The following NOC3L variants were observed in gnomAD, a reference collection of about 807,000 sequenced individuals.
The protein encoded by NOC3L is nucleolar complex protein 3 homolog.
In NOC3L, 85 loss-of-function variants were observed where a neutral mutation model predicts 102.5. That is an observed-to-expected ratio of 0.83 (90% CI 0.70 to 0.99). The LOEUF (loss-of-function observed/expected upper bound fraction) is 0.99. NOC3L is among the 50% of genes least tolerant of loss of function. The probability of loss-of-function intolerance (pLI) is 0.00; values close to 1 mark genes in which losing one functional copy is unlikely to be tolerated. For synonymous variants in NOC3L, 303 were observed against 309.4 expected, an observed-to-expected ratio of 0.98 and a Z score of 0.22; for missense variants, 878 against 914.9, an observed-to-expected ratio of 0.96 and a Z score of 0.52.
rs370863021 is a variant in NOC3L, at chr10:94,344,943, G to T, written c.1390-10C>A. On this transcript the variant is annotated splice_polypyrimidine_tract_variant and intron_variant, in intron 11 of 20. Coordinates refer to ENST00000371361, the MANE Select transcript of NOC3L (RefSeq NM_022451.11). ...CTTCTGCTTTCTTCCACTGAAAATAGATTGAAAAACAAAAATCTAAGAGCA... is the reference window on the plus strand; with the variant it reads ...CTTCTGCTTTCTTCCACTGAAAATATATTGAAAAACAAAAATCTAAGAGCA... 15 of 1,595,352 alleles carry T rather than the reference G, an allele frequency of 9.4e-6. No individual in the cohort carries two copies. The highest frequency in any genetic ancestry group is 1.3e-5 in the Non-Finnish European group (15 of 1,174,904).
At chr10:94,336,440 C>T (rs1432823836) in intron 19 of NOC3L, among the ~76,000 whole-genome samples, 3 of 151,952 alleles carry the variant, frequency 2.0e-5, no homozygotes, top group South Asian at 2.1e-4. Flanking sequence ...CTCCGCCTCC[C>T]GGGTTCAAGC....
the NOC3L span, among the ~76,000 whole-genome samples, chr10:94,320,294 GA>G: frequency 5.3e-5 from 8 of 151,506 alleles, no homozygotes; most frequent in African/African-American, 1.9e-4. Flanking sequence ...TCATTCATGG[GA>G]AAAAAATCAA....
At chr10:94,359,142 T>G (rs947718650) in intron 2 of NOC3L, among the ~76,000 whole-genome samples, 6 of 152,272 alleles carry the variant, frequency 3.9e-5, no homozygotes, top group African/African-American at 1.4e-4. Context: ...TCGTAAATCT[T>G]GGCTGAGCGC....
chr10:94,361,414 G>A, intron 2 of NOC3L: 1 of 474,254 alleles, frequency 2.1e-6, no homozygotes, highest in Non-Finnish European at 3.7e-6. Context: ...CCCAAGTAGT[G>A]CATCTTCAGA....
chr10:94,340,624 G>C, intron 14 of NOC3L, 128 bp from the exon 15 acceptor site: 1 of 727,224 alleles, frequency 1.4e-6, no homozygotes, highest in Non-Finnish European at 2.3e-6. Context: ...CAATTTGGGA[G>C]GCTGAGGCAG....
At position 94,333,328 on chromosome 10, in the gene NOC3L, T is replaced by C. The variant is rs1348888496; in HGVS notation, c.*849A>G. 2 of 152,146 alleles carry C rather than the reference T, an allele frequency of 1.3e-5. No individual in the cohort carries two copies. The highest frequency in any genetic ancestry group is 2.9e-5 in the Non-Finnish European group (2 of 68,024). The allele number at this position is 152,146 out of a possible 1,614,324, so 9.4% of individuals were successfully genotyped here. A position where few individuals can be genotyped will look rare whatever the true frequency, so the allele number is the denominator to read the frequency against. ...CATTTCTTAGGCCACTCCTAGAATA[T>C]GGGAATAGCTGTTACATAAAATACT... On this transcript the variant is annotated 3_prime_UTR_variant, in exon 21 of 21. Transcript: ENST00000371361.
chr10:94,347,421 T>C (rs1339829711), intron 10 of NOC3L, among the ~76,000 whole-genome samples: 1 of 152,146 alleles, frequency 6.6e-6, no homozygotes, highest in Non-Finnish European at 1.5e-5. Flanking sequence ...TAACTCCAAA[T>C]CAAATGATGT....
intron 19 of NOC3L, among the ~76,000 whole-genome samples, chr10:94,335,659 C>T (rs2054209797): frequency 6.6e-6 from 1 of 152,130 alleles, no homozygotes; most frequent in Non-Finnish European, 1.5e-5. Context: ...GTCACCAAAC[C>T]TCCCAGTATT....
intron 6 of NOC3L, 78 bp from the exon 7 acceptor site, chr10:94,353,135 G>T: frequency 1.7e-6 from 2 of 1,191,988 alleles, no homozygotes; most frequent in Non-Finnish European, 1.2e-6. Flanking sequence ...CCCCACATCC[G>T]GCAAAACAAG....
intron 19 of NOC3L, 109 bp downstream of exon 19, chr10:94,337,668 A>G: frequency 1.5e-6 from 1 of 657,502 alleles, no homozygotes; most frequent in Non-Finnish European, 2.6e-6. Flanking sequence ...CAGATACCCA[A>G]CTGGCACTTT....
chr10:94,359,172 C>T (rs2054523696), intron 2 of NOC3L, among the ~76,000 whole-genome samples: 2 of 152,164 alleles, frequency 1.3e-5, no homozygotes, highest in Admixed American at 1.3e-4. Context: ...CACCTGTAAT[C>T]TTAGCACTTT....
chr10:94,324,796 T>G, the NOC3L span: 1 of 1,283,536 alleles, frequency 7.8e-7, no homozygotes, highest in Admixed American at 1.7e-5. Flanking sequence ...TCCAAAGCTC[T>G]AGAGAGAAGA....
intron 18 of NOC3L, 69 bp downstream of exon 18, chr10:94,338,539 T>C: frequency 1.4e-6 from 2 of 1,395,904 alleles, no homozygotes; most frequent in Non-Finnish European, 9.4e-7. Context: ...TAACAACTAT[T>C]TGAAGAAAAA....
At chr10:94,346,681 A>G (rs192399153) in intron 10 of NOC3L, 125 bp from the exon 11 acceptor site, 319 of 472,830 alleles carry the variant, frequency 6.7e-4, no homozygotes, top group Non-Finnish European at 9.1e-4. Context: ...AACATCTTTT[A>G]TAACATTTTA....
At chr10:94,360,306 C>T (rs770455704) in intron 2 of NOC3L, among the ~76,000 whole-genome samples, 3 of 151,726 alleles carry the variant, frequency 2.0e-5, no homozygotes, top group African/African-American at 7.3e-5. Flanking sequence ...CAGAGAGAGA[C>T]TCCATCTCAA....
intron 12 of NOC3L, 62 bp downstream of exon 12, chr10:94,344,791 A>G: frequency 7.5e-7 from 1 of 1,335,426 alleles, no homozygotes; most frequent in Non-Finnish European, 1.0e-6. Context: ...CTGAAACAAT[A>G]AATTTCTAGT....
intron 2 of NOC3L, among the ~76,000 whole-genome samples, chr10:94,358,443 C>T (rs932094954): frequency 1.3e-5 from 2 of 152,178 alleles, no homozygotes; most frequent in Admixed American, 6.5e-5. Flanking sequence ...AATTCTTTGT[C>T]GTACTGGGAT....
chr10:94,344,944 A>G lies in NOC3L; in HGVS notation c.1390-11T>C, dbSNP rs764698575. ...TTCTGCTTTCTTCCACTGAAAATAG[A>G]TTGAAAAACAAAAATCTAAGAGCAT... On this transcript the variant is annotated splice_polypyrimidine_tract_variant and intron_variant, in intron 11 of 20. Coordinates refer to ENST00000371361, the MANE Select transcript of NOC3L (RefSeq NM_022451.11). The G allele has an allele frequency of 1.6e-5, 26 of 1,593,468 alleles. No homozygotes were observed. Among genetic ancestry groups the G allele is most frequent in the Non-Finnish European group, 2.2e-5 (26 of 1,172,662 alleles).
At chr10:94,360,643 T>C (rs763357393) in intron 2 of NOC3L, among the ~76,000 whole-genome samples, 5 of 152,080 alleles carry the variant, frequency 3.3e-5, no homozygotes, top group Non-Finnish European at 7.4e-5. Context: ...ATTTGATAGA[T>C]AGGATGACTA....
Sources: allele counts gnomAD v4.1 joint callset (sites outside exome capture counted in the v4.1 genomes callset), GRCh38; gene constraint gnomAD v4.1.1; transcripts MANE v1.5; gene names NCBI Gene and HGNC (gene_info 2026-07-23, HGNC 2026-07-21).